The following SYNE2 variants were observed in gnomAD, a reference collection of about 807,000 sequenced individuals.
The protein encoded by SYNE2 is nesprin-2.
A neutral mutation model predicts 856.3 loss-of-function variants in SYNE2; 431 were observed. The observed-to-expected ratio is 0.50, with a 90% confidence interval of 0.47 to 0.55. SYNE2 has a LOEUF of 0.55. Among genes scored for constraint, SYNE2 ranks in the 20% least tolerant of loss-of-function variants. The pLI, the probability that SYNE2 is intolerant of heterozygous loss-of-function variation, is 0.00. For synonymous variants in SYNE2, 2,923 were observed against 2,872.3 expected, an observed-to-expected ratio of 1.02 and a Z score of -0.56; for missense variants, 8,129 against 8,023.2, an observed-to-expected ratio of 1.01 and a Z score of -0.50.
chr14:64,049,988 T>TA, intron 47 of SYNE2, 112 bp downstream of exon 47: 1 of 1,284,970 alleles, frequency 7.8e-7, no homozygotes, highest in Admixed American at 2.3e-5. Context: ...ATTATGATTT[T>TA]AAAACCACAG....
At position 64,002,878 on chromosome 14, in the gene SYNE2, G is replaced by A. The variant is rs775700721; in HGVS notation, c.3945G>A (p.Val1315=). 1 of 1,614,188 alleles carries A rather than the reference G, an allele frequency of 6.2e-7. No homozygotes were observed. The highest frequency in any genetic ancestry group is 1.7e-5 in the Admixed American group (1 of 60,026). Residue 1315 remains valine, a synonymous_variant, in exon 30 of 116, where the codon GTG becomes GTA. Coordinates refer to ENST00000555002, the MANE Select transcript of SYNE2 (RefSeq NM_182914.3). ...AATTTGAAGGAATGAACCACAGGGTGCAGAGGAGTGAAGATACTCTCAAAG... is the reference window on the plus strand; with the variant it reads ...AATTTGAAGGAATGAACCACAGGGTACAGAGGAGTGAAGATACTCTCAAAG... ...KTQFEGMNHR[V]QRSEDTLKAL... is the part of the protein sequence containing the mutation.
At chr14:63,920,912 G>A (rs2095592756) in intron 2 of SYNE2, among the ~76,000 whole-genome samples, 1 of 151,972 alleles carries the variant, frequency 6.6e-6, no homozygotes, top group Non-Finnish European at 1.5e-5. Context: ...CCAGGAGTTC[G>A]AGACCAGCCT....
intron 90 of SYNE2, 61 bp downstream of exon 90, chr14:64,165,471 G>A (rs1431932464): frequency 6.4e-7 from 1 of 1,564,632 alleles, no homozygotes; most frequent in East Asian, 2.3e-5. Context: ...AAAAAAATAA[G>A]CTGATTACTG....
chr14:63,930,595 G>A (rs1160069144), intron 2 of SYNE2, among the ~76,000 whole-genome samples: 2 of 150,322 alleles, frequency 1.3e-5, no homozygotes, highest in African/African-American at 4.9e-5. Flanking sequence ...GCGTAGTGGT[G>A]CAATCATAGC....
At chr14:63,922,457 C>T (rs191919097) in intron 2 of SYNE2, among the ~76,000 whole-genome samples, 8 of 152,274 alleles carry the variant, frequency 5.3e-5, no homozygotes, top group African/African-American at 1.4e-4. Context: ...TATTCCCGGG[C>T]CTGACTTGCT....
intron 53 of SYNE2, among the ~76,000 whole-genome samples, chr14:64,074,836 A>G (rs1408863450): frequency 6.6e-6 from 1 of 152,014 alleles, no homozygotes; most frequent in Non-Finnish European, 1.5e-5. Context: ...TGGTGGTTGT[A>G]GTAAGCCGAG....
At chr14:64,217,741 G>GT (rs34467643) in intron 108 of SYNE2, among the ~76,000 whole-genome samples, 8,367 of 149,420 alleles carry the variant, frequency 0.056, 316 homozygotes, top group Non-Finnish European at 0.08. Context: ...AAATCTGAAG[G>GT]TTTTTTTTTT....
intron 100 of SYNE2, among the ~76,000 whole-genome samples, chr14:64,204,811 A>G (rs1313617313): frequency 6.6e-6 from 1 of 152,174 alleles, no homozygotes; most frequent in African/African-American, 2.4e-5. Context: ...TAAAAACGCA[A>G]ATTTACTATA....
intron 49 of SYNE2, among the ~76,000 whole-genome samples, chr14:64,060,226 G>A (rs967120632): frequency 5.9e-5 from 9 of 152,074 alleles, no homozygotes; most frequent in Admixed American, 5.2e-4. Context: ...GCCTCTCCTG[G>A]TAGCCACCAC....
chr14:64,037,574 C>A (rs2097102058), intron 45 of SYNE2, among the ~76,000 whole-genome samples: 1 of 151,880 alleles, frequency 6.6e-6, no homozygotes, highest in African/African-American at 2.4e-5. Context: ...TCAATCTTTT[C>A]CCCACCTTTC....
intron 2 of SYNE2, among the ~76,000 whole-genome samples, chr14:63,911,254 T>G (rs1566779628): frequency 6.6e-6 from 1 of 152,184 alleles, no homozygotes; most frequent in Non-Finnish European, 1.5e-5. Context: ...TCATCCATCC[T>G]TCATACATCC....
At chr14:64,176,886 C>T (rs1300188354) in intron 95 of SYNE2, among the ~76,000 whole-genome samples, 2 of 152,210 alleles carry the variant, frequency 1.3e-5, no homozygotes, top group East Asian at 3.9e-4. Flanking sequence ...CAGCCTCCAC[C>T]TCCCAGGTTC....
chr14:64,009,974 A>G lies in SYNE2; in HGVS notation c.4586A>G (p.Gln1529Arg), dbSNP rs201872729. The G allele has an allele frequency of 3.1e-6, 5 of 1,613,682 alleles. No homozygotes were observed. The East Asian group carries it at 1.1e-4, about 36-fold the overall frequency. The change falls in exon 32 of 116, where the codon CAA becomes CGA. Residue 1529 changes from glutamine to arginine, a missense_variant. Physicochemically the swap from Gln to Arg is conservative, Grantham distance 43. Transcript: ENST00000555002. ...TATTTTTCTATTCTTAGTCTTGAAC[A>G]ATGTGGGAGAGTTTTGGAGCTCTTA... ...TKALVTECLE[Q>R]CGRVLELLKQ...
At chr14:64,054,369 CTG>C (rs1452659748) in intron 48 of SYNE2, among the ~76,000 whole-genome samples, 2 of 152,150 alleles carry the variant, frequency 1.3e-5, no homozygotes, top group Non-Finnish European at 2.9e-5. Context: ...GTTGGAGACA[CTG>C]TGCTAAAAAT....
chr14:63,874,184 T>C (rs2094659498), intron 1 of SYNE2, among the ~76,000 whole-genome samples: 1 of 152,230 alleles, frequency 6.6e-6, no homozygotes, highest in South Asian at 2.1e-4. Flanking sequence ...GATGTCCGTC[T>C]GTCAGAGTGT....
At chr14:64,028,687 T>C (rs2097002668) in intron 43 of SYNE2, among the ~76,000 whole-genome samples, 1 of 152,206 alleles carries the variant, frequency 6.6e-6, no homozygotes, top group Admixed American at 6.5e-5. Context: ...AGGGGTAGAA[T>C]GGGTTAAGAT....
chr14:63,862,425 G>A (rs1378405984), intron 1 of SYNE2, among the ~76,000 whole-genome samples: 1 of 151,444 alleles, frequency 6.6e-6, no homozygotes, highest in African/African-American at 2.4e-5. Context: ...TGTAGAGACC[G>A]AGATCTCACT....
At chr14:63,830,408 C>A (rs1301687447) in intron 1 of SYNE2, among the ~76,000 whole-genome samples, 3 of 151,792 alleles carry the variant, frequency 2.0e-5, no homozygotes, top group Non-Finnish European at 4.4e-5. Context: ...TGCCTGTAAT[C>A]CCAGCATTTT....
chr14:64,190,898 C>T, intron 99 of SYNE2: 1 of 697,532 alleles, frequency 1.4e-6, no homozygotes, highest in Non-Finnish European at 2.6e-6. Flanking sequence ...TAAATGTCTT[C>T]AAATTCCCTC....
Sources: gnomAD v4.1 joint callset for allele counts (sites outside exome capture counted in the v4.1 genomes callset) on GRCh38, gnomAD v4.1.1 for gene constraint, MANE v1.5 for transcripts, NCBI Gene and HGNC (gene_info 2026-07-23, HGNC 2026-07-21) for gene names.